The following STAT3 variants were observed in gnomAD, a reference collection of about 807,000 sequenced individuals.
STAT3 encodes the protein DNA-binding protein APRF.
Under a neutral mutation model 114.3 loss-of-function variants are expected in STAT3, and 7 were observed. The observed-to-expected ratio is 0.06, with a 90% CI of 0.03 to 0.11. STAT3 has a LOEUF of 0.11. Ranked by LOEUF, STAT3 falls within the 10% of genes least tolerant of loss-of-function variation. The pLI is 1.00. For missense variants in STAT3, 364 were observed against 960.9 expected, an observed-to-expected ratio of 0.38 and a Z score of 8.21; for synonymous variants, 331 against 354.5, an observed-to-expected ratio of 0.93 and a Z score of 0.74.
At chr17:42,343,041 A>G (rs1271293731) in intron 4 of STAT3, among the ~76,000 whole-genome samples, 4 of 150,784 alleles carry the variant, frequency 2.7e-5, no homozygotes, top group African/African-American at 9.8e-5. Context: ...GCATGGTGGC[A>G]TGTGCCTGTA....
At chr17:42,340,807 A>G (rs528088032) in intron 4 of STAT3, among the ~76,000 whole-genome samples, 1 of 152,248 alleles carries the variant, frequency 6.6e-6, no homozygotes, top group South Asian at 2.1e-4. Flanking sequence ...CAGATCTTCA[A>G]AGAACCCAGC....
In STAT3 at chr17:42,322,958, G is replaced by T. The variant is rs552992043; in HGVS notation, c.1888+46C>A. 2.0e-5 allele frequency: 32 copies of T among 1,612,322 alleles called. No homozygotes were observed. The South Asian group carries it at 3.1e-4, about 16-fold the overall frequency. On this transcript the variant is annotated intron_variant, in intron 20 of 23. Transcript: ENST00000264657. ...GCTTGCAACTAGAAGCAGTGATGAGGCCTCAGCAGCCACCAGCAGGTGGGG... is the reference window on the plus strand; with the variant it reads ...GCTTGCAACTAGAAGCAGTGATGAGTCCTCAGCAGCCACCAGCAGGTGGGG...
At chr17:42,381,885 A>C (rs1224414230) in intron 1 of STAT3, among the ~76,000 whole-genome samples, 1 of 152,090 alleles carries the variant, frequency 6.6e-6, no homozygotes, top group Non-Finnish European at 1.5e-5. Context: ...TTTTTTTATA[A>C]TAGCATGTTA....
chr17:42,374,785 G>T (rs1252984493), intron 1 of STAT3, among the ~76,000 whole-genome samples: 1 of 152,158 alleles, frequency 6.6e-6, no homozygotes, highest in Non-Finnish European at 1.5e-5. Flanking sequence ...ACACATGGAT[G>T]CAAACTTGGA....
In STAT3 at chr17:42,345,563, G is replaced by A. The variant is rs1475754644; in HGVS notation, c.368C>T (p.Ala123Val). The A allele has an allele frequency of 3.1e-6, 5 of 1,602,746 alleles. No homozygotes were observed. Among genetic ancestry groups the A allele is most frequent in the Non-Finnish European group, 4.3e-6 (5 of 1,173,486 alleles). ...TTGTTTTGTCTCAGGTCTCACCTGG[G>A]CCGCAGTGGCTGCAGTCTGTAGAAG... is the stretch of plus-strand genomic sequence containing the variant. Reference protein sequence around the residue: ...SRLLQTAATAAQQGGQANHPT... With the variant: ...SRLLQTAATAVQQGGQANHPT... Residue 123 changes from alanine (A) to valine (V), a missense_variant, in exon 4 of 24, where the codon GCC becomes GTC. Physicochemically the swap from Ala to Val is moderately conservative, Grantham distance 64 (BLOSUM62 0). This residue lies in a region of STAT3 where 294 missense variants were observed against 745.1 expected (regional missense o/e 0.39). Transcript: ENST00000264657.
chr17:42,345,499 T>C, intron 4 of STAT3, 60 bp downstream of exon 4: 2 of 1,373,016 alleles, frequency 1.5e-6, no homozygotes, highest in South Asian at 1.2e-5. Flanking sequence ...TATCTCATTA[T>C]AAAGTTGTTT....
In STAT3 at chr17:42,332,710, G is replaced by A. The variant is rs139465157; in HGVS notation, c.1049+963C>T. On this transcript the variant is annotated intron_variant, in intron 10 of 23. Coordinates refer to ENST00000264657, the MANE Select transcript of STAT3 (RefSeq NM_139276.3). ...ATACAAAAATTAGCCGGGCATGGTG[G>A]AGTGTGCCGGTCCAGCTACTCAGGG... Among the ~76,000 whole-genome samples, 644 of 152,132 alleles carry A rather than the reference G, an allele frequency of 4.2e-3. 1 individual carries two copies. The highest frequency in any genetic ancestry group is 0.014 in the Middle Eastern group (4 of 294).
At chr17:42,340,911 GC>G (rs2082418330) in intron 4 of STAT3, among the ~76,000 whole-genome samples, 1 of 152,102 alleles carries the variant, frequency 6.6e-6, no homozygotes, top group African/African-American at 2.4e-5. Context: ...AGGTCTAGAG[GC>G]CTATCCCTCT....
chr17:42,313,762 T>C lies in STAT3; in HGVS notation c.*1983A>G, dbSNP rs1260518013. The stretch of plus-strand genomic sequence containing the variant: ...TTAAACCCAATGGTAAGCCCAAGTC[T>C]CACCTTTCTAAATATTCTGTTTATC... On this transcript the variant is annotated 3_prime_UTR_variant, in exon 24 of 24. Coordinates refer to ENST00000264657, the MANE Select transcript of STAT3 (RefSeq NM_139276.3). 3 of 232,896 alleles carry C rather than the reference T, an allele frequency of 1.3e-5. No homozygotes were observed. The highest frequency in any genetic ancestry group is 2.6e-5 in the Non-Finnish European group (3 of 117,568). The allele number at this position is 232,896 out of a possible 1,614,324, so 14.4% of individuals were successfully genotyped here. A position where few individuals can be genotyped will look rare whatever the true frequency, so the allele number is the denominator to read the frequency against.
intron 1 of STAT3, among the ~76,000 whole-genome samples, chr17:42,379,611 T>C (rs779590820): frequency 1.3e-5 from 2 of 152,176 alleles, no homozygotes; most frequent in African/African-American, 4.8e-5. Context: ...TGTTGGCTTC[T>C]TCCTGAGACA....
At position 42,316,883 on chromosome 17, in the gene STAT3, G is replaced by A; in HGVS notation, c.2163C>T (p.Thr721=). ...ICVTPTTCSN[T]IDLPMSPRTL... ...TGCGGGGGGACATCGGCAGGTCAATGGTATTGCTGCAGGTCGTTCTGTAGG... is the reference window on the plus strand; with the variant it reads ...TGCGGGGGGACATCGGCAGGTCAATAGTATTGCTGCAGGTCGTTCTGTAGG... The change falls in exon 23 of 24, where the codon ACC becomes ACT. Residue 721 remains threonine (T), a synonymous_variant. Transcript: ENST00000264657. The A allele has an allele frequency of 6.2e-7, 1 of 1,612,760 alleles. No homozygotes were observed. Among genetic ancestry groups the A allele is most frequent in the Non-Finnish European group, 8.5e-7 (1 of 1,179,764 alleles).
intron 1 of STAT3, among the ~76,000 whole-genome samples, chr17:42,355,501 T>C (rs984783395): frequency 6.6e-6 from 1 of 152,166 alleles, no homozygotes. Flanking sequence ...AGTCAGCAGA[T>C]AGTAGATGCA....
At chr17:42,377,010 G>A (rs141765952) in intron 1 of STAT3, among the ~76,000 whole-genome samples, 6 of 152,174 alleles carry the variant, frequency 3.9e-5, no homozygotes, top group Non-Finnish European at 4.4e-5. Flanking sequence ...TACATATTAC[G>A]ATTAAAACAT....
Position 42,322,415 on chromosome 17 carries a change from G to A in STAT3, c.1968C>T (p.Gly656=), listed in dbSNP as rs777585143. ...TATTGGTAGCATCCATGATCTTATAGCCCATGATGATTTCAGCAAATGACA... is the reference window on the plus strand; with the variant it reads ...TATTGGTAGCATCCATGATCTTATAACCCATGATGATTTCAGCAAATGACA... The part of the protein sequence containing the change: ...NNMSFAEIIM[G]YKIMDATNIL... The change falls in exon 21 of 24, where the codon GGC becomes GGT. Residue 656 remains glycine (G), a synonymous_variant. Coordinates refer to ENST00000264657, the MANE Select transcript of STAT3 (RefSeq NM_139276.3). The A allele has an allele frequency of 6.8e-6, 11 of 1,614,174 alleles. No individual in the cohort carries two copies. The Admixed American group carries it at 1.5e-4, about 22-fold the overall frequency.
chr17:42,372,834 G>A (rs748111433), intron 1 of STAT3, among the ~76,000 whole-genome samples: 66 of 151,802 alleles, frequency 4.3e-4, no homozygotes, highest in Non-Finnish European at 7.6e-4. Context: ...ACAACACAGT[G>A]AGACCCTACC....
At chr17:42,320,729 A>AAC in intron 21 of STAT3, among the ~76,000 whole-genome samples, 1 of 144,500 alleles carries the variant, frequency 6.9e-6, no homozygotes, top group Middle Eastern at 3.5e-3. Flanking sequence ...ACTTAGTCTA[A>AAC]AAAAAAAAAA....
chr17:42,363,176 G>A (rs1057066764), intron 1 of STAT3, among the ~76,000 whole-genome samples: 3 of 152,186 alleles, frequency 2.0e-5, no homozygotes, highest in Non-Finnish European at 4.4e-5. Flanking sequence ...GTTCTCCCAA[G>A]TGAGGACACT....
chr17:42,347,180 A>G (rs35950888), intron 2 of STAT3, among the ~76,000 whole-genome samples: 47,240 of 135,690 alleles, frequency 0.35, 8,417 homozygotes, highest in South Asian at 0.45. Flanking sequence ...GCCAGACTCC[A>G]TCTCAAAAAA....
intron 1 of STAT3, among the ~76,000 whole-genome samples, chr17:42,357,683 TTAAA>T (rs914044036): frequency 2.0e-5 from 3 of 151,748 alleles, no homozygotes; most frequent in East Asian, 1.9e-4. Context: ...AAAAAATAAA[TTAAA>T]TAAATAAATA....
Sources: gnomAD v4.1 joint callset for allele counts (sites outside exome capture counted in the v4.1 genomes callset) on GRCh38, gnomAD v4.1.1 for gene constraint, gnomAD v4.1.1 regional missense constraint, MANE v1.5 for transcripts, NCBI Gene and HGNC (gene_info 2026-07-23, HGNC 2026-07-21) for gene names.